CNBD1: variants seen among roughly 807,000 people sequenced by gnomAD.
CNBD1 encodes cyclic nucleotide-binding domain-containing protein 1.
In CNBD1, 71 loss-of-function variants were observed where a neutral mutation model predicts 54.4. The ratio of observed to expected loss-of-function variants is 1.30; its 90% CI spans 1.08 to 1.59. CNBD1 has a LOEUF of 1.59. Ranked by LOEUF, CNBD1 falls within the 40% of genes most tolerant of loss-of-function variation. The pLI is 0.00. For missense variants in CNBD1, 659 were observed against 518.0 expected (o/e 1.27, Z -2.64); for synonymous variants, 182 against 170.7 (o/e 1.07, Z -0.51).
At chr8:87,251,397 G>A (rs753778574) in intron 6 of CNBD1, among the ~76,000 whole-genome samples, 1 of 151,908 alleles carries the variant, frequency 6.6e-6, no homozygotes, top group Non-Finnish European at 1.5e-5. Flanking sequence ...GACCAGTCTG[G>A]CCAATATAGT....
At chr8:87,386,456 A>G (rs929048416), downstream of CNBD1, among the ~76,000 whole-genome samples, 2 of 152,228 alleles carry the variant, frequency 1.3e-5, no homozygotes, top group African/African-American at 4.8e-5. Context: ...CACGAGAACT[A>G]TGTGACGAAT....
At position 87,328,625 on chromosome 8, in the gene CNBD1, G is replaced by A. The variant is rs190238105; in HGVS notation, c.1043-23060G>A. Among the ~76,000 whole-genome samples the A allele has an allele frequency of 4.0e-4, 61 of 151,784 alleles. No homozygotes were observed. The East Asian group carries it at 0.011, about 27-fold the overall frequency. The stretch of plus-strand genomic sequence containing the variant: ...TCCATATCAATTTTAGGATTATTTT[G>A]TCTGTTTATCTATAAAATGCTATTG... On this transcript the variant is annotated intron_variant, in intron 8 of 10. Transcript: ENST00000518476.
intron 3 of CNBD1, among the ~76,000 whole-genome samples, chr8:86,936,143 A>C (rs983759174): frequency 6.6e-6 from 1 of 152,166 alleles, no homozygotes; most frequent in African/African-American, 2.4e-5. Context: ...TCAAAAAAAA[A>C]TGCATTTAAA....
At position 86,999,690 on chromosome 8, in the gene CNBD1, A is replaced by C. The variant is rs1029533004; in HGVS notation, c.431+59936A>C. Among the ~76,000 whole-genome samples, 6 of 152,184 alleles carry C rather than the reference A, an allele frequency of 3.9e-5. No homozygotes were observed. In the South Asian group the frequency reaches 8.3e-4, roughly 21 times the overall value. ...GCAGACACTAATCCCTTATTTCCTC[A>C]AACTTCAGAGGATACATATAAAACT... On this transcript the variant is annotated intron_variant, in intron 4 of 10. Transcript: ENST00000518476.
At chr8:86,943,365 CAAAAAAAAAAA>C (rs1158061860) in intron 4 of CNBD1, among the ~76,000 whole-genome samples, 487 of 32,596 alleles carry the variant, frequency 0.015, 11 homozygotes, top group African/African-American at 0.05. Context: ...GACTCCATCT[CAAAAAAAAAAA>C]AAAAAAAAAA....
intron 4 of CNBD1, among the ~76,000 whole-genome samples, chr8:86,995,458 C>T (rs530623992): frequency 6.6e-5 from 10 of 152,260 alleles, no homozygotes; most frequent in African/African-American, 1.7e-4. Flanking sequence ...CCATAGATTC[C>T]TGACCCCTGA....
chr8:87,270,415 A>T (rs947259055), intron 6 of CNBD1, among the ~76,000 whole-genome samples: 24 of 152,156 alleles, frequency 1.6e-4, no homozygotes, highest in African/African-American at 5.8e-4. Context: ...ACAATGAGAT[A>T]CCATCTCACG....
chr8:87,115,976 A>G (rs1196346432), intron 4 of CNBD1, among the ~76,000 whole-genome samples: 1 of 152,106 alleles, frequency 6.6e-6, no homozygotes, highest in African/African-American at 2.4e-5. Context: ...ATCCTAACCT[A>G]TGAAACTCAA....
intron 4 of CNBD1, among the ~76,000 whole-genome samples, chr8:87,130,137 C>A (rs1051988016): frequency 6.6e-6 from 1 of 152,124 alleles, no homozygotes; most frequent in African/African-American, 2.4e-5. Context: ...CATGGGAATT[C>A]AAGATGAGAT....
In CNBD1 at chr8:87,065,673, G is replaced by A. The variant is rs144173923; in HGVS notation, c.431+125919G>A. Among the ~76,000 whole-genome samples the A allele has an allele frequency of 5.6e-3, 855 of 151,992 alleles. 15 individuals are homozygous for A. The highest frequency in any genetic ancestry group is 0.02 in the African/African-American group (818 of 41,524). ...AGATTTATAAGGGGAAGGCAACTCCGAATAGTGGGTTTACTTTTCTTCATG... is the reference window on the plus strand; with the variant it reads ...AGATTTATAAGGGGAAGGCAACTCCAAATAGTGGGTTTACTTTTCTTCATG... On this transcript the variant is annotated intron_variant, in intron 4 of 10. Coordinates refer to ENST00000518476, the MANE Select transcript of CNBD1 (RefSeq NM_173538.3).
chr8:86,972,021 C>T (rs570639157), intron 4 of CNBD1, among the ~76,000 whole-genome samples: 1 of 151,726 alleles, frequency 6.6e-6, no homozygotes, highest in Non-Finnish European at 1.5e-5. Context: ...GGCATGATCT[C>T]GGCTCACTGC....
At chr8:87,248,925 T>A (rs1193720143) in intron 6 of CNBD1, among the ~76,000 whole-genome samples, 1 of 152,150 alleles carries the variant, frequency 6.6e-6, no homozygotes, top group Non-Finnish European at 1.5e-5. Context: ...TGGACTAAAC[T>A]AAGTGTCAGA....
intron 4 of CNBD1, among the ~76,000 whole-genome samples, chr8:87,046,038 C>T (rs1275004241): frequency 8.8e-6 from 1 of 114,194 alleles, no homozygotes; most frequent in East Asian, 2.3e-4. Flanking sequence ...AAGACTTCCT[C>T]TCATAAAAAA....
chr8:87,101,223 T>C (rs1373541621), intron 4 of CNBD1, among the ~76,000 whole-genome samples: 1 of 152,202 alleles, frequency 6.6e-6, no homozygotes, highest in Non-Finnish European at 1.5e-5. Context: ...ATGATCAAGA[T>C]GTTGTAAGTA....
intron 4 of CNBD1, among the ~76,000 whole-genome samples, chr8:87,154,981 C>A (rs757835918): frequency 6.6e-6 from 1 of 152,092 alleles, no homozygotes; most frequent in African/African-American, 2.4e-5. Flanking sequence ...ATAGCTGTAC[C>A]ATTCCTCCTC....
chr8:87,181,934 G>GT (rs1400401154), intron 4 of CNBD1, among the ~76,000 whole-genome samples: 3 of 151,976 alleles, frequency 2.0e-5, no homozygotes, highest in Admixed American at 6.6e-5. Flanking sequence ...ACATGTGCAG[G>GT]TTTTTTCCAT....
chr8:86,969,602 A>G (rs1808172081), intron 4 of CNBD1, among the ~76,000 whole-genome samples: 1 of 152,092 alleles, frequency 6.6e-6, no homozygotes, highest in South Asian at 2.1e-4. Flanking sequence ...ACCAGTAGAA[A>G]AGGCATACAA....
intron 4 of CNBD1, among the ~76,000 whole-genome samples, chr8:87,172,273 T>G (rs1483592123): frequency 1.3e-5 from 2 of 152,146 alleles, no homozygotes; most frequent in Admixed American, 6.5e-5. Context: ...GTTTTAAGAC[T>G]GGTTTTGTGA....
chr8:86,945,235 C>A (rs933523634), intron 4 of CNBD1, among the ~76,000 whole-genome samples: 1 of 152,126 alleles, frequency 6.6e-6, no homozygotes, highest in Non-Finnish European at 1.5e-5. Context: ...CTGTGAAATG[C>A]AGATTAAGAT....
Sources: allele counts gnomAD v4.1 joint callset (sites outside exome capture counted in the v4.1 genomes callset), GRCh38; gene constraint gnomAD v4.1.1; transcripts MANE v1.5; gene names NCBI Gene and HGNC (gene_info 2026-07-23, HGNC 2026-07-21).